DLG2: variants seen among roughly 807,000 people sequenced by gnomAD.
The protein encoded by DLG2 is disks large homolog 2.
Under a neutral mutation model 132.5 loss-of-function variants are expected in DLG2, and 45 were observed. The ratio of observed to expected loss-of-function variants is 0.34; its 90% CI spans 0.27 to 0.44. The LOEUF is 0.44. DLG2 is among the 20% of genes least tolerant of loss of function. The pLI is 1.00. For synonymous variants in DLG2, 424 were observed against 419.6 expected, an observed-to-expected ratio of 1.01 and a Z score of -0.13; for missense variants, 1,045 against 1,196.9, an observed-to-expected ratio of 0.87 and a Z score of 1.87.
At chr11:83,681,475 AT>A (rs1192798029) in intron 18 of DLG2, among the ~76,000 whole-genome samples, 2 of 152,160 alleles carry the variant, frequency 1.3e-5, no homozygotes, top group Non-Finnish European at 2.9e-5. Flanking sequence ...TGCCTTCTGC[AT>A]TTGTCCGTCC....
chr11:84,027,911 A>G (rs1416084804), intron 11 of DLG2, among the ~76,000 whole-genome samples: 1 of 152,068 alleles, frequency 6.6e-6, no homozygotes, highest in Non-Finnish European at 1.5e-5. Context: ...TTTTGTTTCT[A>G]AAAATAGAAA....
At chr11:83,995,739 A>C (rs2093987767) in intron 11 of DLG2, among the ~76,000 whole-genome samples, 1 of 152,176 alleles carries the variant, frequency 6.6e-6, no homozygotes, top group Non-Finnish European at 1.5e-5. Flanking sequence ...CAGTCTCTTC[A>C]ATAAATGGTG....
At chr11:83,909,189 C>G (rs949165020) in intron 15 of DLG2, among the ~76,000 whole-genome samples, 1 of 152,112 alleles carries the variant, frequency 6.6e-6, no homozygotes, top group Non-Finnish European at 1.5e-5. Context: ...GCAGTAAGAC[C>G]CTTGTTCTAG....
chr11:84,251,792 C>T (rs752236770), intron 7 of DLG2, among the ~76,000 whole-genome samples: 2 of 151,836 alleles, frequency 1.3e-5, no homozygotes, highest in Admixed American at 6.6e-5. Context: ...AGGCACACAC[C>T]GCCACACCCA....
chr11:85,578,555 T>G (rs188218696), intron 3 of DLG2, among the ~76,000 whole-genome samples: 1 of 151,902 alleles, frequency 6.6e-6, no homozygotes, highest in Non-Finnish European at 1.5e-5. Context: ...AAAAAATACA[T>G]TAAAAGGTGG....
At chr11:84,513,689 A>T (rs544391505) in intron 7 of DLG2, among the ~76,000 whole-genome samples, 1 of 152,194 alleles carries the variant, frequency 6.6e-6, no homozygotes, top group South Asian at 2.1e-4. Context: ...AATGAAAATG[A>T]ACTAAAGACT....
At chr11:85,557,711 C>G (rs1173386790) in intron 3 of DLG2, among the ~76,000 whole-genome samples, 1 of 151,810 alleles carries the variant, frequency 6.6e-6, no homozygotes, top group African/African-American at 2.4e-5. Context: ...GGAGAAAGGA[C>G]TTCCTATTCA....
At chr11:85,341,282 C>G (rs536353718) in intron 3 of DLG2, among the ~76,000 whole-genome samples, 1 of 152,102 alleles carries the variant, frequency 6.6e-6, no homozygotes, top group South Asian at 2.1e-4. Flanking sequence ...ACATGCCTGG[C>G]TAATTTTTTT....
intron 7 of DLG2, among the ~76,000 whole-genome samples, chr11:84,385,605 C>T (rs1421198026): frequency 6.6e-6 from 1 of 152,054 alleles, no homozygotes; most frequent in Non-Finnish European, 1.5e-5. Flanking sequence ...GATTCCAATT[C>T]TAGAGAACCA....
chr11:85,213,498 A>T (rs1264084325), intron 4 of DLG2, among the ~76,000 whole-genome samples: 4 of 152,190 alleles, frequency 2.6e-5, no homozygotes, highest in Admixed American at 2.6e-4. Context: ...ACCTGGAATC[A>T]GTAGAGAGGA....
At chr11:84,729,096 CTCTGA>C (rs1219486022) in intron 6 of DLG2, among the ~76,000 whole-genome samples, 1 of 152,020 alleles carries the variant, frequency 6.6e-6, no homozygotes, top group Non-Finnish European at 1.5e-5. Flanking sequence ...TTCAGTTCTG[CTCTGA>C]TCTTAGTTAT....
At chr11:84,502,408 T>TTCTTTCTC (rs1567807508) in intron 7 of DLG2, among the ~76,000 whole-genome samples, 1 of 110,672 alleles carries the variant, frequency 9.0e-6, no homozygotes, top group Non-Finnish European at 1.9e-5. Context: ...CTTTCTTTCT[T>TTCTTTCTC]TCTTTCTATA....
intron 5 of DLG2, among the ~76,000 whole-genome samples, chr11:85,112,476 AG>A (rs1160990815): frequency 6.6e-6 from 1 of 151,978 alleles, no homozygotes; most frequent in African/African-American, 2.4e-5. Context: ...TTAGTCCAAA[AG>A]GGGGGGAAAG....
At position 85,252,950 on chromosome 11, in the gene DLG2, G is replaced by A. The variant is rs546915035; in HGVS notation, c.186+32270C>T. Among the ~76,000 whole-genome samples, 142 of 152,180 alleles carry A rather than the reference G, an allele frequency of 9.3e-4. 1 individual carries two copies. The highest frequency in any genetic ancestry group is 3.4e-3 in the Middle Eastern group (1 of 294). ...AGTAAGACTGCTGGACCTAATCTCA[G>A]GAGTCTATTAAGTTCTCAAATTTTT... On this transcript the variant is annotated intron_variant, in intron 4 of 27. Coordinates refer to ENST00000376104, the MANE Select transcript of DLG2 (RefSeq NM_001142699.3).
intron 9 of DLG2, 80 bp from the exon 10 acceptor site, chr11:84,099,127 T>G (rs1015517842): frequency 1.5e-6 from 2 of 1,290,884 alleles, no homozygotes; most frequent in Non-Finnish European, 2.2e-6. Flanking sequence ...CATTATCATG[T>G]TACTACTCAA....
chr11:84,461,400 T>C (rs1260360532), intron 7 of DLG2, among the ~76,000 whole-genome samples: 1 of 150,988 alleles, frequency 6.6e-6, no homozygotes, highest in East Asian at 1.9e-4. Flanking sequence ...TGCTATGTCT[T>C]TTCTATATGC....
intron 6 of DLG2, among the ~76,000 whole-genome samples, chr11:85,093,123 A>G (rs1185391327): frequency 6.6e-6 from 1 of 152,164 alleles, no homozygotes; most frequent in African/African-American, 2.4e-5. Context: ...TCAAGGGTCA[A>G]CTGCAACGTG....
intron 7 of DLG2, among the ~76,000 whole-genome samples, chr11:84,416,415 A>C (rs1238135449): frequency 1.3e-5 from 2 of 152,224 alleles, no homozygotes; most frequent in South Asian, 2.1e-4. Flanking sequence ...AGCAAAATGA[A>C]ACTGTCTTCT....
intron 3 of DLG2, among the ~76,000 whole-genome samples, chr11:85,524,258 T>C (rs2153183328): frequency 6.6e-6 from 1 of 152,260 alleles, no homozygotes; most frequent in South Asian, 2.1e-4. Flanking sequence ...GGATTATTTG[T>C]CACACAAAGA....
Sources: gnomAD v4.1 joint callset for allele counts (sites outside exome capture counted in the v4.1 genomes callset) on GRCh38, gnomAD v4.1.1 for gene constraint, MANE v1.5 for transcripts, NCBI Gene and HGNC (gene_info 2026-07-23, HGNC 2026-07-21) for gene names.